FOCAD: variants seen among roughly 807,000 people sequenced by gnomAD.
The protein encoded by FOCAD is KIAA1797.
FOCAD carries 198 observed loss-of-function variants against 225.6 expected under a neutral mutation model. The observed-to-expected ratio is 0.88, with a 90% CI of 0.78 to 0.99. FOCAD has a LOEUF of 0.99. Ranked by LOEUF, FOCAD falls within the 50% of genes least tolerant of loss-of-function variation. The pLI is 0.00. For synonymous variants in FOCAD, 897 were observed against 755.0 expected (o/e 1.19, Z -3.08); for missense variants, 2,713 against 2,123.6 (o/e 1.28, Z -5.46).
intron 29 of FOCAD, among the ~76,000 whole-genome samples, chr9:20,945,811 T>A (rs897476158): frequency 6.6e-6 from 1 of 152,202 alleles, no homozygotes; most frequent in Admixed American, 6.5e-5. Context: ...ACTTCTGCCT[T>A]AGAAACCACT....
intron 5 of FOCAD, among the ~76,000 whole-genome samples, chr9:20,747,646 A>G (rs1828163505): frequency 6.6e-6 from 1 of 152,088 alleles, no homozygotes; most frequent in Non-Finnish European, 1.5e-5. Flanking sequence ...GTGTCTTTGG[A>G]TTTGCCTTAT....
intron 2 of FOCAD, among the ~76,000 whole-genome samples, chr9:20,666,474 G>T (rs1031816274): frequency 6.6e-6 from 1 of 152,134 alleles, no homozygotes; most frequent in African/African-American, 2.4e-5. Context: ...GGAGGCTGAG[G>T]CAGGAGGATC....
chr9:20,994,674 T>C (rs1354818365), intron 43 of FOCAD, among the ~76,000 whole-genome samples: 2 of 152,208 alleles, frequency 1.3e-5, no homozygotes, highest in Non-Finnish European at 2.9e-5. Flanking sequence ...GTTTTCACAT[T>C]ATCCATCCCT....
At chr9:20,743,670 G>A (rs1201259194) in intron 5 of FOCAD, among the ~76,000 whole-genome samples, 1 of 152,166 alleles carries the variant, frequency 6.6e-6, no homozygotes, top group Non-Finnish European at 1.5e-5. Context: ...TAAAAGTACA[G>A]CTTCTGAATC....
chr9:20,940,690 A>C (rs986001124), intron 28 of FOCAD, among the ~76,000 whole-genome samples: 10 of 152,204 alleles, frequency 6.6e-5, no homozygotes, highest in African/African-American at 2.4e-4. Flanking sequence ...CCATGTCACA[A>C]CCTAAACATG....
intron 36 of FOCAD, 126 bp from the exon 37 acceptor site, chr9:20,978,213 G>C (rs1259442859): frequency 1.8e-6 from 1 of 563,816 alleles, no homozygotes; most frequent in East Asian, 3.1e-5. Context: ...TATCTCTTCT[G>C]GTTTACTGAA....
intron 41 of FOCAD, 68 bp from the exon 42 acceptor site, chr9:20,990,055 T>C (rs1841509565): frequency 1.3e-6 from 2 of 1,582,468 alleles, no homozygotes; most frequent in Admixed American, 1.7e-5. Flanking sequence ...AGGGGCTGTG[T>C]ATGTGAACAT....
chr9:20,795,784 G>GAA (rs1161085446), intron 11 of FOCAD, among the ~76,000 whole-genome samples: 6,957 of 42,194 alleles, frequency 0.16, 857 homozygotes, highest in Non-Finnish European at 0.22. Context: ...ACTCTGTCTC[G>GAA]AAAAAAAAAA....
At chr9:20,675,797 A>G (rs1210937603) in intron 2 of FOCAD, among the ~76,000 whole-genome samples, 1 of 148,188 alleles carries the variant, frequency 6.7e-6, no homozygotes, top group Non-Finnish European at 1.5e-5. Context: ...CACTGGGAGC[A>G]ACATCAATAG....
At chr9:20,774,419 TA>T (rs1818555080) in intron 8 of FOCAD, among the ~76,000 whole-genome samples, 1 of 152,202 alleles carries the variant, frequency 6.6e-6, no homozygotes, top group Admixed American at 6.5e-5. Flanking sequence ...TGCAGAGTGG[TA>T]ATGTTCTAAT....
chr9:20,892,596 C>A (rs10811424), intron 21 of FOCAD, among the ~76,000 whole-genome samples: 84,961 of 151,800 alleles, frequency 0.56, 24,170 homozygotes, highest in East Asian at 0.67. Context: ...GAACTGCTAC[C>A]GTCATGAGGA....
At chr9:20,731,897 G>A (rs1826746294) in intron 4 of FOCAD, among the ~76,000 whole-genome samples, 2 of 152,166 alleles carry the variant, frequency 1.3e-5, no homozygotes, top group Admixed American at 1.3e-4. Flanking sequence ...GATTACAGGT[G>A]TGAGCCACTA....
In FOCAD at chr9:20,874,998, C is replaced by T. The variant is rs528442948; in HGVS notation, c.2317+191C>T. 1.1e-3 allele frequency: 732 copies of T among 639,834 alleles called. 2 individuals carry two copies. Among genetic ancestry groups the T allele is most frequent in the Middle Eastern group, 1.5e-3 (5 of 3,302 alleles). The allele number at this position is 639,834 out of a possible 1,614,324, so 39.6% of individuals were successfully genotyped here. A position where few individuals can be genotyped will look rare whatever the true frequency, so the allele number is the denominator to read the frequency against. Reference sequence around the variant, plus strand: ...ATGGTGTTTAAATCATACGAAAAAACGTTACATCTGAGTAGGATTGAACAA... The same window carrying T: ...ATGGTGTTTAAATCATACGAAAAAATGTTACATCTGAGTAGGATTGAACAA... On this transcript the variant is annotated intron_variant, in intron 19 of 43. Transcript: ENST00000338382.
intron 35 of FOCAD, among the ~76,000 whole-genome samples, chr9:20,974,077 T>A (rs1460872952): frequency 1.4e-5 from 2 of 145,508 alleles, no homozygotes; most frequent in Non-Finnish European, 3.0e-5. Flanking sequence ...ACTTTTGCTG[T>A]CTCTGCCCTA....
intron 15 of FOCAD, among the ~76,000 whole-genome samples, chr9:20,839,533 T>C (rs187809390): frequency 6.6e-6 from 1 of 152,228 alleles, no homozygotes; most frequent in East Asian, 1.9e-4. Flanking sequence ...AGTGCTGAGA[T>C]TACAGGTGTG....
At chr9:20,853,848 C>T (rs1238261364) in intron 15 of FOCAD, among the ~76,000 whole-genome samples, 1 of 151,688 alleles carries the variant, frequency 6.6e-6, no homozygotes, top group African/African-American at 2.4e-5. Context: ...CTTAACAACC[C>T]CTAACCCTAT....
At chr9:20,845,094 C>T (rs1386240740) in intron 15 of FOCAD, among the ~76,000 whole-genome samples, 1 of 152,030 alleles carries the variant, frequency 6.6e-6, no homozygotes, top group Non-Finnish European at 1.5e-5. Flanking sequence ...CTTTATGAGA[C>T]ATTTTGAGTT....
chr9:20,843,201 ATT>A (rs367655653), intron 15 of FOCAD, among the ~76,000 whole-genome samples: 2 of 152,014 alleles, frequency 1.3e-5, no homozygotes, highest in African/African-American at 4.8e-5. Context: ...TTAACAGTGA[ATT>A]TTGTGTCTTC....
intron 15 of FOCAD, among the ~76,000 whole-genome samples, chr9:20,824,900 C>T (rs760572318): frequency 4.6e-5 from 7 of 152,018 alleles, no homozygotes; most frequent in Non-Finnish European, 8.8e-5. Context: ...CTTACTAAAG[C>T]AAACTATTTT....
Sources: allele counts gnomAD v4.1 joint callset (sites outside exome capture counted in the v4.1 genomes callset), GRCh38; gene constraint gnomAD v4.1.1; transcripts MANE v1.5; gene names NCBI Gene and HGNC (gene_info 2026-07-23, HGNC 2026-07-21).